The following ZNF804B variants were observed in gnomAD, a reference collection of about 807,000 sequenced individuals.
ZNF804B encodes zinc finger protein 804B, also known as zinc finger 804B.
ZNF804B carries 80 observed loss-of-function variants against 101.4 expected under a neutral mutation model. The ratio of observed to expected loss-of-function variants is 0.79; its 90% CI spans 0.66 to 0.95. ZNF804B has a LOEUF of 0.95. Among genes scored for constraint, ZNF804B ranks in the 40% least tolerant of loss-of-function variants. ZNF804B has a pLI of 0.00. For synonymous variants in ZNF804B, 622 were observed against 558.8 expected (o/e 1.11, Z -1.59); for missense variants, 1,673 against 1,561.9 (o/e 1.07, Z -1.20).
intron 1 of ZNF804B, among the ~76,000 whole-genome samples, chr7:89,147,832 C>A (rs761061318): frequency 5.9e-5 from 9 of 151,522 alleles, no homozygotes; most frequent in Non-Finnish European, 1.2e-4. Flanking sequence ...TCACTGTCTC[C>A]CATCACCCCC....
chr7:88,800,905 A>G (rs1790570534), intron 1 of ZNF804B, among the ~76,000 whole-genome samples: 1 of 152,072 alleles, frequency 6.6e-6, no homozygotes, highest in African/African-American at 2.4e-5. Flanking sequence ...CTAAGTTAGT[A>G]GGCTTAAAGT....
chr7:89,286,636 A>G (rs2115885984), intron 2 of ZNF804B, among the ~76,000 whole-genome samples: 1 of 152,318 alleles, frequency 6.6e-6, no homozygotes, highest in Admixed American at 6.5e-5. Flanking sequence ...AACTTGCTGA[A>G]GATGAATGCT....
intron 1 of ZNF804B, among the ~76,000 whole-genome samples, chr7:88,993,987 A>T (rs774676333): frequency 6.6e-6 from 1 of 151,954 alleles, no homozygotes; most frequent in Admixed American, 6.6e-5. Context: ...TCATATATGT[A>T]TAGGCTGATG....
chr7:88,888,896 G>T (rs1937603516), intron 1 of ZNF804B, among the ~76,000 whole-genome samples: 1 of 152,060 alleles, frequency 6.6e-6, no homozygotes. Context: ...GCATCACCCA[G>T]GTAGTGAGCA....
chr7:89,271,345 T>A (rs1359214358), intron 2 of ZNF804B, among the ~76,000 whole-genome samples: 1 of 152,130 alleles, frequency 6.6e-6, no homozygotes, highest in African/African-American at 2.4e-5. Flanking sequence ...TTGTCTTTGG[T>A]TCTGTTTATA....
intron 1 of ZNF804B, among the ~76,000 whole-genome samples, chr7:88,919,083 T>G (rs956424510): frequency 1.3e-5 from 2 of 152,146 alleles, no homozygotes; most frequent in Admixed American, 1.3e-4. Context: ...TGTCTGGATA[T>G]GTTACATTTC....
chr7:89,304,741 T>C (rs1162106225), intron 2 of ZNF804B, among the ~76,000 whole-genome samples: 3 of 151,892 alleles, frequency 2.0e-5, no homozygotes, highest in Non-Finnish European at 4.4e-5. Context: ...CCCAGAGACT[T>C]AGCAGCTAAT....
intron 1 of ZNF804B, among the ~76,000 whole-genome samples, chr7:89,139,600 G>T (rs1277308980): frequency 6.6e-6 from 1 of 151,932 alleles, no homozygotes; most frequent in African/African-American, 2.4e-5. Flanking sequence ...ACCAGGAATA[G>T]ATTACATCTC....
intron 2 of ZNF804B, among the ~76,000 whole-genome samples, chr7:89,291,035 G>T (rs780532636): frequency 9.2e-5 from 14 of 152,260 alleles, no homozygotes; most frequent in Non-Finnish European, 1.5e-4. Context: ...GACTACTGTG[G>T]CAGTACCTCT....
intron 1 of ZNF804B, among the ~76,000 whole-genome samples, chr7:88,860,169 G>A (rs1791625684): frequency 6.6e-6 from 1 of 151,942 alleles, no homozygotes; most frequent in South Asian, 2.1e-4. Flanking sequence ...GATAGAAAAA[G>A]AAAATGCTCT....
intron 1 of ZNF804B, among the ~76,000 whole-genome samples, chr7:88,944,863 A>G (rs1278788218): frequency 6.6e-6 from 1 of 151,934 alleles, no homozygotes; most frequent in Non-Finnish European, 1.5e-5. Flanking sequence ...TTCATGCACG[A>G]AAGTATTAAA....
At chr7:88,792,525 T>A (rs939999519) in intron 1 of ZNF804B, among the ~76,000 whole-genome samples, 1 of 152,128 alleles carries the variant, frequency 6.6e-6, no homozygotes, top group Non-Finnish European at 1.5e-5. Flanking sequence ...ATGCTAATCC[T>A]GGACCAAGGA....
chr7:89,335,609 GCAGCCCT>G lies in ZNF804B; in HGVS notation c.2630_2636del (p.Ser877ThrfsTer11). On this transcript the variant is annotated frameshift_variant, in exon 4 of 4. Coordinates refer to ENST00000333190, the MANE Select transcript of ZNF804B (RefSeq NM_181646.5). LOFTEE classifies it high-confidence loss of function. Reference sequence around the variant, plus strand: ...AGCAAGAGAAATCAAGAGTCTTTGGGCAGCCCTCACATTTGTGATCTGGGAAAAGTCA... The same window carrying G: ...AGCAAGAGAAATCAAGAGTCTTTGGGCACATTTGTGATCTGGGAAAAGTCA... 6.2e-7 allele frequency: 1 copy of G among 1,613,950 alleles called. No individual in the cohort carries two copies. The highest frequency in any genetic ancestry group is 8.5e-7 in the Non-Finnish European group (1 of 1,179,946).
intron 1 of ZNF804B, among the ~76,000 whole-genome samples, chr7:89,061,497 C>T (rs1284134356): frequency 1.3e-5 from 2 of 151,942 alleles, no homozygotes; most frequent in Non-Finnish European, 2.9e-5. Flanking sequence ...CATTTTATAA[C>T]TCTGAAATGT....
intron 1 of ZNF804B, among the ~76,000 whole-genome samples, chr7:88,880,184 G>C (rs1328445445): frequency 6.6e-6 from 1 of 152,192 alleles, no homozygotes; most frequent in Non-Finnish European, 1.5e-5. Context: ...ATGGTGTTTT[G>C]CTAGCAGAGT....
chr7:89,140,711 G>C (rs546050328), intron 1 of ZNF804B, among the ~76,000 whole-genome samples: 62 of 152,172 alleles, frequency 4.1e-4, no homozygotes, highest in Non-Finnish European at 6.9e-4. Context: ...TTGGGCTTTT[G>C]TTTAAGGGAA....
chr7:89,163,638 T>A (rs1186916606), intron 1 of ZNF804B, among the ~76,000 whole-genome samples: 2 of 151,932 alleles, frequency 1.3e-5, no homozygotes, highest in Admixed American at 1.3e-4. Flanking sequence ...AAAGCAGTTA[T>A]AACGGAAACA....
chr7:88,958,665 G>A (rs1404158541), intron 1 of ZNF804B, among the ~76,000 whole-genome samples: 2 of 151,464 alleles, frequency 1.3e-5, no homozygotes, highest in Non-Finnish European at 3.0e-5. Context: ...GTGTCACACA[G>A]TTTGGCCTTT....
chr7:88,974,246 A>G (rs1346856954), intron 1 of ZNF804B, among the ~76,000 whole-genome samples: 1 of 149,098 alleles, frequency 6.7e-6, no homozygotes, highest in African/African-American at 2.5e-5. Flanking sequence ...GTAAATACAT[A>G]TATATGAAAA....
Sources: gnomAD v4.1 joint callset for allele counts (sites outside exome capture counted in the v4.1 genomes callset) on GRCh38, gnomAD v4.1.1 for gene constraint, MANE v1.5 for transcripts, NCBI Gene and HGNC (gene_info 2026-07-23, HGNC 2026-07-21) for gene names.